FOXP1: variants seen among roughly 807,000 people sequenced by gnomAD.
FOXP1 encodes forkhead box P1, also known as forkhead box protein P1.
Under a neutral mutation model 98.2 loss-of-function variants are expected in FOXP1, and 15 were observed. That is an observed-to-expected ratio of 0.15 (90% CI 0.10 to 0.24). The LOEUF (loss-of-function observed/expected upper bound fraction) is 0.24. Among genes scored for constraint, FOXP1 ranks in the 10% least tolerant of loss-of-function variants. The probability of loss-of-function intolerance (pLI) is 1.00; values close to 1 mark genes in which losing one functional copy is unlikely to be tolerated. For missense variants in FOXP1, 633 were observed against 848.5 expected (o/e 0.75, Z 3.15); for synonymous variants, 371 against 314.5 (o/e 1.18, Z -1.90).
chr3:71,519,444 T>C (rs1461304321), intron 2 of FOXP1, among the ~76,000 whole-genome samples: 1 of 152,170 alleles, frequency 6.6e-6, no homozygotes, highest in Non-Finnish European at 1.5e-5. Flanking sequence ...AACCTGTCTC[T>C]TCCTATCTCA....
At chr3:71,257,840 T>C (rs1275358818) in intron 5 of FOXP1, among the ~76,000 whole-genome samples, 1 of 152,184 alleles carries the variant, frequency 6.6e-6, no homozygotes, top group Non-Finnish European at 1.5e-5. Flanking sequence ...TTACCAGCTA[T>C]GTGACCCAAA....
At chr3:71,244,503 G>GA (rs59857852) in intron 5 of FOXP1, among the ~76,000 whole-genome samples, 26,566 of 141,856 alleles carry the variant, frequency 0.19, 2,726 homozygotes, top group Middle Eastern at 0.34. Context: ...TTGAAAAAGG[G>GA]AAAAAAAAAA....
chr3:71,284,428 G>A lies in FOXP1; in HGVS notation c.-12+15392C>T, dbSNP rs1230616617. 3.9e-5 allele frequency among the ~76,000 whole-genome samples: 6 copies of A among 152,108 alleles called. No homozygotes were observed. In the East Asian group the frequency reaches 1.2e-3, roughly 29 times the overall value. ...AAAAATATAAAAATTAGCTGGACAT[G>A]GTGTGTGCAACTGAAGTCTAAGCTA... On this transcript the variant is annotated intron_variant, in intron 5 of 20. Coordinates refer to ENST00000649528, the MANE Select transcript of FOXP1 (RefSeq NM_001349338.3).
chr3:71,019,507 GGCTCCATAT>G (rs1559736138), intron 11 of FOXP1, among the ~76,000 whole-genome samples: 1 of 151,980 alleles, frequency 6.6e-6, no homozygotes, highest in African/African-American at 2.4e-5. Flanking sequence ...TCACTTTTTC[GGCTCCATAT>G]ACTCAGTACC....
intron 11 of FOXP1, among the ~76,000 whole-genome samples, chr3:71,018,614 A>C (rs2044884266): frequency 6.6e-6 from 1 of 152,198 alleles, no homozygotes; most frequent in Non-Finnish European, 1.5e-5. Context: ...TTAATATATA[A>C]CTGGATACTT....
chr3:70,991,341 G>C (rs1466786159), intron 13 of FOXP1, among the ~76,000 whole-genome samples: 1 of 152,014 alleles, frequency 6.6e-6, no homozygotes, highest in East Asian at 1.9e-4. Context: ...TCTTCTATTA[G>C]CCATGGCCTC....
intron 20 of FOXP1, among the ~76,000 whole-genome samples, chr3:70,963,691 G>C (rs3773495): frequency 3.9e-4 from 59 of 152,298 alleles, no homozygotes; most frequent in East Asian, 2.1e-3. Context: ...GCTGACTGGC[G>C]TTTAAAGGCA....
intron 5 of FOXP1, among the ~76,000 whole-genome samples, chr3:71,219,430 GTTTA>G (rs1469506512): frequency 2.0e-5 from 3 of 152,256 alleles, no homozygotes; most frequent in South Asian, 4.1e-4. Context: ...TTTCATGAAA[GTTTA>G]TTTAAATTTA....
At chr3:71,124,635 C>A (rs2059024500) in intron 6 of FOXP1, among the ~76,000 whole-genome samples, 1 of 138,180 alleles carries the variant, frequency 7.2e-6, no homozygotes, top group Admixed American at 7.6e-5. Context: ...AGATCATAAA[C>A]TGTGTGTCAA....
intron 6 of FOXP1, among the ~76,000 whole-genome samples, chr3:71,145,504 T>C (rs946533801): frequency 6.6e-6 from 1 of 152,188 alleles, no homozygotes; most frequent in South Asian, 2.1e-4. Flanking sequence ...ATCGTACCAC[T>C]GCACTCCAGC....
chr3:71,273,534 C>A (rs1192392157), intron 5 of FOXP1, among the ~76,000 whole-genome samples: 1 of 152,166 alleles, frequency 6.6e-6, no homozygotes, highest in Non-Finnish European at 1.5e-5. Context: ...TTCAAACATG[C>A]CCATCCCCCT....
At position 71,413,259 on chromosome 3, in the gene FOXP1, GACAC is replaced by G. The variant is rs528319234; in HGVS notation, c.-167-54019_-167-54016del. Reference sequence around the variant, plus strand: ...TAGACACACACACATCCCCCAAATAGACACACACACACACACACACACACACACA... The same window carrying G: ...TAGACACACACACATCCCCCAAATAGACACACACACACACACACACACACA... On this transcript the variant is annotated intron_variant, in intron 3 of 20. Coordinates refer to ENST00000649528, the MANE Select transcript of FOXP1 (RefSeq NM_001349338.3). 8.1e-3 allele frequency among the ~76,000 whole-genome samples: 524 copies of G among 64,452 alleles called. 4 individuals carry two copies. The highest frequency in any genetic ancestry group is 0.011 in the African/African-American group (209 of 18,582). The allele number at this position is 64,452 out of a possible 152,430, so 42.3% of individuals were successfully genotyped here.
At chr3:71,462,186 AT>A (rs1225988444) in intron 3 of FOXP1, among the ~76,000 whole-genome samples, 1 of 152,212 alleles carries the variant, frequency 6.6e-6, no homozygotes, top group East Asian at 1.9e-4. Context: ...GATAAAGCAA[AT>A]TGCTCATTAA....
chr3:71,292,794 A>T (rs1290404522), intron 5 of FOXP1, among the ~76,000 whole-genome samples: 2 of 152,200 alleles, frequency 1.3e-5, no homozygotes, highest in Non-Finnish European at 2.9e-5. Flanking sequence ...GGGCAGAAAG[A>T]CTTCATGTTT....
chr3:71,432,802 C>T (rs2084842024), intron 3 of FOXP1, among the ~76,000 whole-genome samples: 1 of 131,778 alleles, frequency 7.6e-6, no homozygotes, highest in South Asian at 2.5e-4. Context: ...GTCAAGCCTT[C>T]AAAGCAGTTC....
chr3:71,489,237 G>A (rs2090890831), intron 3 of FOXP1, among the ~76,000 whole-genome samples: 1 of 152,160 alleles, frequency 6.6e-6, no homozygotes, highest in South Asian at 2.1e-4. Flanking sequence ...CCTTGTTTTT[G>A]TCTCTTCCTA....
At chr3:71,256,547 C>T (rs1320789482) in intron 5 of FOXP1, among the ~76,000 whole-genome samples, 1 of 152,084 alleles carries the variant, frequency 6.6e-6, no homozygotes, top group African/African-American at 2.4e-5. Context: ...TCACACCCAG[C>T]TAATTTTTTT....
At chr3:71,332,629 T>G (rs988388547) in intron 4 of FOXP1, 5 of 152,632 alleles carry the variant, frequency 3.3e-5, no homozygotes, top group African/African-American at 4.8e-5. Flanking sequence ...TCACAGCTAC[T>G]CGGGAGGCTG....
At chr3:70,989,588 T>A (rs2040291090) in intron 13 of FOXP1, among the ~76,000 whole-genome samples, 1 of 152,292 alleles carries the variant, frequency 6.6e-6, no homozygotes, top group Admixed American at 6.5e-5. Context: ...TATTATTATT[T>A]TTTTTAAAAT....
Sources: gnomAD v4.1 joint callset for allele counts (sites outside exome capture counted in the v4.1 genomes callset) on GRCh38, gnomAD v4.1.1 for gene constraint, MANE v1.5 for transcripts, NCBI Gene and HGNC (gene_info 2026-07-23, HGNC 2026-07-21) for gene names.